The following STS variants were observed in gnomAD, a reference collection of about 807,000 sequenced individuals.
STS encodes steroid sulfatase.
A neutral mutation model predicts 26.8 loss-of-function variants in STS; 7 were observed. The observed-to-expected ratio is 0.26, with a 90% CI of 0.15 to 0.49. STS has a LOEUF of 0.49. Among genes scored for constraint, STS ranks in the 20% least tolerant of loss-of-function variants. The probability of loss-of-function intolerance (pLI) is 0.98; values close to 1 mark genes in which losing one functional copy is unlikely to be tolerated. For missense variants in STS, 434 were observed against 465.6 expected, an observed-to-expected ratio of 0.93 and a Z score of 0.63; for synonymous variants, 199 against 189.4, an observed-to-expected ratio of 1.05 and a Z score of -0.42.
At chrX:7,300,487 G>A (rs1315797324) in intron 7 of STS, among the ~76,000 whole-genome samples, 1 of 111,914 alleles carries the variant, frequency 8.9e-6, no homozygotes, top group Non-Finnish European at 1.9e-5. Context: ...GTGTTTAGGA[G>A]GGAAACATGT....
chrX:7,156,059 G>A (rs956699663), intron 1 of STS, among the ~76,000 whole-genome samples: 2 of 109,784 alleles, frequency 1.8e-5, no homozygotes, highest in Non-Finnish European at 3.8e-5. Context: ...GACTGAGATG[G>A]GAGGATTGCT....
chrX:7,325,731 T>C (rs1482544656), intron 9 of STS, among the ~76,000 whole-genome samples: 1 of 112,345 alleles, frequency 8.9e-6, no homozygotes, highest in Non-Finnish European at 1.9e-5. Flanking sequence ...AAATTGTTCA[T>C]TTTTTTGCTG....
At chrX:7,308,491 G>A (rs1188952002) in intron 8 of STS, among the ~76,000 whole-genome samples, 1 of 111,570 alleles carries the variant, frequency 9.0e-6, no homozygotes, top group African/African-American at 3.3e-5. Flanking sequence ...AGTTCACCAG[G>A]GTTCAGAGAC....
chrX:7,266,034 T>C (rs1219423841), intron 6 of STS, among the ~76,000 whole-genome samples: 1 of 111,910 alleles, frequency 8.9e-6, no homozygotes, highest in Non-Finnish European at 1.9e-5. Context: ...ACCACCTTTG[T>C]GAGAAATGGA....
chrX:7,222,991 G>A (rs1414506581), intron 2 of STS, among the ~76,000 whole-genome samples: 3 of 111,759 alleles, frequency 2.7e-5, no homozygotes, highest in Non-Finnish European at 5.6e-5. Flanking sequence ...ACTTATAAGT[G>A]ACAATATGCA....
intron 1 of STS, among the ~76,000 whole-genome samples, chrX:7,181,129 A>T (rs1933672567): frequency 8.9e-6 from 1 of 112,130 alleles, no homozygotes; most frequent in South Asian, 3.7e-4. Context: ...AACCACTTAC[A>T]CTTTTAAAGT....
At chrX:7,315,189 ATTAC>A (rs1926657113) in intron 8 of STS, among the ~76,000 whole-genome samples, 1 of 112,140 alleles carries the variant, frequency 8.9e-6, no homozygotes, top group African/African-American at 3.2e-5. Flanking sequence ...GGATTTCACT[ATTAC>A]TTTAGTTGAT....
intron 7 of STS, among the ~76,000 whole-genome samples, chrX:7,280,661 G>A (rs1457735507): frequency 3.6e-5 from 4 of 111,728 alleles, no homozygotes; most frequent in Non-Finnish European, 7.5e-5. Flanking sequence ...AGTTCTCACC[G>A]GGGGTTTCTT....
chrX:7,189,794 T>C lies in STS; in HGVS notation c.-133-1086T>C, dbSNP rs1368571177. Among the ~76,000 whole-genome samples the C allele has an allele frequency of 3.6e-5, 4 of 111,648 alleles. No individual in the cohort carries two copies. The South Asian group carries it at 1.1e-3, about 32-fold the overall frequency. On this transcript the variant is annotated intron_variant, in intron 1 of 10. Coordinates refer to ENST00000674429, the MANE Select transcript of STS (RefSeq NM_001320752.2). ...AATCAGGAAATAAATGAATCTATTA[T>C]ACAAGTAGTAATAATTGCTATCTGG... is the stretch of plus-strand genomic sequence containing the variant.
In STS at chrX:7,186,029, A is replaced by T. The variant is rs528681212; in HGVS notation, c.-133-4851A>T. On this transcript the variant is annotated intron_variant, in intron 1 of 10. Coordinates refer to ENST00000674429, the MANE Select transcript of STS (RefSeq NM_001320752.2). ...CTGCACATATTTGTGTCTTTCCACG[A>T]GGTTGGACTTGTGAAAATGTTTATT... Among the ~76,000 whole-genome samples the T allele has an allele frequency of 9.8e-5, 11 of 112,039 alleles. No individual in the cohort carries two copies. The South Asian group carries it at 4.1e-3, about 42-fold the overall frequency.
chrX:7,330,491 G>C (rs1927695708), intron 9 of STS, among the ~76,000 whole-genome samples: 1 of 112,419 alleles, frequency 8.9e-6, no homozygotes, highest in African/African-American at 3.2e-5. Flanking sequence ...TTTAGAGCTT[G>C]TGGTCCATAA....
intron 2 of STS, among the ~76,000 whole-genome samples, chrX:7,225,674 G>C (rs187452682): frequency 4.5e-5 from 5 of 111,868 alleles, no homozygotes; most frequent in African/African-American, 1.6e-4. Flanking sequence ...ATTTCAGGCA[G>C]AGTGAGCCAT....
At chrX:7,278,317 G>A (rs761726494) in intron 7 of STS, among the ~76,000 whole-genome samples, 1 of 112,086 alleles carries the variant, frequency 8.9e-6, no homozygotes, top group East Asian at 2.8e-4. Flanking sequence ...GAATAATTAT[G>A]TAATAAAATA....
At chrX:7,318,692 G>A (rs1260049943) in intron 8 of STS, among the ~76,000 whole-genome samples, 1 of 111,142 alleles carries the variant, frequency 9.0e-6, no homozygotes, top group Admixed American at 9.6e-5. Context: ...TTTCTCGGGT[G>A]TGACAATTTG....
At chrX:7,323,384 C>T (rs979618959) in intron 8 of STS, among the ~76,000 whole-genome samples, 2 of 110,737 alleles carry the variant, frequency 1.8e-5, no homozygotes, top group African/African-American at 3.3e-5. Context: ...TCCCTCTTTC[C>T]CCCCTAGTAG....
At chrX:7,324,734 G>C (rs1352469508) in intron 8 of STS, among the ~76,000 whole-genome samples, 1 of 111,439 alleles carries the variant, frequency 9.0e-6, no homozygotes, top group Non-Finnish European at 1.9e-5. Context: ...AGTGTTTCAG[G>C]TTAAACCTTT....
chrX:7,239,439 C>T (rs1178898820), intron 2 of STS, among the ~76,000 whole-genome samples: 1 of 112,054 alleles, frequency 8.9e-6, no homozygotes, highest in South Asian at 3.7e-4. Flanking sequence ...AGATCAGGAA[C>T]ATTTTCTTTG....
At chrX:7,347,157 A>G (rs1928562348) in intron 10 of STS, among the ~76,000 whole-genome samples, 1 of 111,633 alleles carries the variant, frequency 9.0e-6, no homozygotes, top group South Asian at 3.7e-4. Flanking sequence ...GAGCTGTGCT[A>G]TTTATCTTTG....
chrX:7,337,995 CTT>C (rs1928112166), intron 10 of STS, among the ~76,000 whole-genome samples: 1 of 111,804 alleles, frequency 8.9e-6, no homozygotes, highest in African/African-American at 3.2e-5. Context: ...TATATAATGT[CTT>C]CGCTATAATT....
Sources: gnomAD v4.1 joint callset for allele counts (sites outside exome capture counted in the v4.1 genomes callset) on GRCh38, gnomAD v4.1.1 for gene constraint, MANE v1.5 for transcripts, NCBI Gene and HGNC (gene_info 2026-07-23, HGNC 2026-07-21) for gene names.